Variants in PURG observed in about 807,000 individuals in gnomAD.
PURG encodes purine-rich element-binding protein gamma.
A neutral mutation model predicts 24.3 loss-of-function variants in PURG; 3 were observed. The observed-to-expected ratio is 0.12, with a 90% CI of 0.06 to 0.32. PURG has a LOEUF of 0.32. Among genes scored for constraint, PURG ranks in the 10% least tolerant of loss-of-function variants. The pLI, the probability that PURG is intolerant of heterozygous loss-of-function variation, is 1.00. For synonymous variants in PURG, 180 were observed against 173.1 expected (o/e 1.04, Z -0.31); for missense variants, 371 against 439.1 (o/e 0.84, Z 1.39).
At chr8:31,029,262 T>G (rs1563310725), downstream of PURG, among the ~76,000 whole-genome samples, 1 of 151,812 alleles carries the variant, frequency 6.6e-6, no homozygotes, top group South Asian at 2.1e-4. Context: ...CTTAATAATT[T>G]TAGAGTATAC....
Position 31,031,891 on chromosome 8 carries a change from T to C in PURG, c.892A>G (p.Asn298Asp), listed in dbSNP as rs899064786. 1 of 1,614,056 alleles carries C rather than the reference T, an allele frequency of 6.2e-7. No homozygotes were observed. Among genetic ancestry groups the C allele is most frequent in the Non-Finnish European group, 8.5e-7 (1 of 1,179,986 alleles). Residue 298 changes from asparagine (N) to aspartate (D), a missense_variant, in exon 2 of 2, where the codon AAT becomes GAT. Asn to Asp is a conservative substitution (Grantham distance 23, BLOSUM62 1). This residue lies in a region of PURG where 103 missense variants were observed against 127.7 expected (regional missense o/e 0.81). Coordinates refer to ENST00000523392, the MANE Select transcript of PURG (RefSeq NM_001323311.2). ...KVSEVRPPYR[N>D]TITVPFKAWT... ...GCTTTGAATGGAACAGTAATAGTAT[T>C]ACGGTAAGGTGGTCTCACCTCACTT...
intron 1 of PURG, among the ~76,000 whole-genome samples, chr8:31,005,103 A>T (rs1315273441): frequency 6.6e-6 from 1 of 152,170 alleles, no homozygotes; most frequent in Non-Finnish European, 1.5e-5. Flanking sequence ...GACAATCTCA[A>T]AATTATTATG....
At chr8:31,012,359 T>A (rs1181441839) in intron 1 of PURG, among the ~76,000 whole-genome samples, 1 of 152,180 alleles carries the variant, frequency 6.6e-6, no homozygotes, top group Non-Finnish European at 1.5e-5. Context: ...TATATCATGA[T>A]CAACTAGTTT....
At chr8:31,002,138 A>G (rs914506355) in intron 1 of PURG, among the ~76,000 whole-genome samples, 1 of 152,224 alleles carries the variant, frequency 6.6e-6, no homozygotes, top group Non-Finnish European at 1.5e-5. Flanking sequence ...ATACATATAT[A>G]CAAAGGGGAT....
Position 31,031,981 on chromosome 8 carries a change from T to C in PURG, c.802A>G (p.Arg268Gly). 3.1e-6 allele frequency: 5 copies of C among 1,614,184 alleles called. No homozygotes were observed. The highest frequency in any genetic ancestry group is 4.2e-6 in the Non-Finnish European group (5 of 1,180,036). Reference sequence around the variant, plus strand: ...AAGTAGAACCTTTTATTGTCCACTCTGAAAGAAGTCCCCTCTGGGAGTTCA... The same window carrying C: ...AAGTAGAACCTTTTATTGTCCACTCCGAAAGAAGTCCCCTCTGGGAGTTCA... ...PLELPEGTSF[R>G]VDNKRFYFDV... The change falls in exon 2 of 2, where the codon AGA becomes GGA. Residue 268 changes from arginine (R) to glycine (G), a missense_variant. Around this residue, in one of 5 missense-constraint regions of PURG, gnomAD observed 103 missense variants for 127.7 expected, o/e 0.81. Coordinates refer to ENST00000523392, the MANE Select transcript of PURG (RefSeq NM_001323311.2).
At chr8:30,999,978 TA>T (rs11300929) in intron 1 of PURG, among the ~76,000 whole-genome samples, 103,453 of 151,552 alleles carry the variant, frequency 0.68, 36,119 homozygotes, top group East Asian at 0.96. Flanking sequence ...TCCTTTAAAA[TA>T]AAAAAAAACC....
intron 1 of PURG, among the ~76,000 whole-genome samples, chr8:31,011,784 C>T (rs1316710124): frequency 6.6e-6 from 1 of 152,168 alleles, no homozygotes; most frequent in Non-Finnish European, 1.5e-5. Context: ...TATCCCTAGA[C>T]CCTAGCACAG....
chr8:31,016,560 G>A (rs1341750610), intron 1 of PURG, among the ~76,000 whole-genome samples: 1 of 31,700 alleles, frequency 3.2e-5, no homozygotes, highest in Non-Finnish European at 5.9e-5. Flanking sequence ...ATGGAAGAAA[G>A]AATGCAAGTC....
chr8:31,016,161 G>C (rs1281531737), intron 1 of PURG, among the ~76,000 whole-genome samples: 1 of 151,848 alleles, frequency 6.6e-6, no homozygotes, highest in Non-Finnish European at 1.5e-5. Context: ...GGGCAGGTCA[G>C]CTGAGGCTAG....
At chr8:31,005,622 G>A (rs1810629076) in intron 1 of PURG, among the ~76,000 whole-genome samples, 1 of 152,042 alleles carries the variant, frequency 6.6e-6, no homozygotes, top group African/African-American at 2.4e-5. Flanking sequence ...ACAGAAATGT[G>A]TCTTCATATT....
rs201025652 is a variant in PURG at position 31,032,313 on chromosome 8, G to C, written c.470C>G (p.Pro157Arg). The C allele has an allele frequency of 1.3e-5, 21 of 1,612,782 alleles. No homozygotes were observed. Among genetic ancestry groups the C allele is most frequent in the Non-Finnish European group, 1.5e-5 (18 of 1,179,996 alleles). Residue 157 changes from proline (P) to arginine (R), a missense_variant, in exon 2 of 2, where the codon CCA (proline) becomes CGA (arginine). This residue lies in a region of PURG where 213 missense variants were observed against 230.6 expected (regional missense o/e 0.92). Coordinates refer to ENST00000523392, the MANE Select transcript of PURG (RefSeq NM_001323311.2). This position sits in a 1 kb window ranked among gnomAD's most constrained non-coding sequence, Gnocchi z 5.9. Reference protein sequence around the residue: ...RRRQKHSAPSPPVSVGSEEHP... With the variant: ...RRRQKHSAPSRPVSVGSEEHP... ...CTCTTCGGACCCCACCGAGACTGGT[G>C]GGGAGGGTGCCGAGTGCTTCTGCCT...
At chr8:31,015,799 C>G (rs1810851038) in intron 1 of PURG, among the ~76,000 whole-genome samples, 1 of 152,016 alleles carries the variant, frequency 6.6e-6, no homozygotes, top group Non-Finnish European at 1.5e-5. Context: ...GCCTGTAATC[C>G]CAGCACTTTG....
chr8:31,017,766 A>C (rs758189676), intron 1 of PURG, among the ~76,000 whole-genome samples: 3 of 152,212 alleles, frequency 2.0e-5, no homozygotes, highest in Non-Finnish European at 2.9e-5. Context: ...TAAAACAAAA[A>C]ATTTAAGATG....
In PURG at chr8:31,031,934, A is replaced by G. The variant is rs139715107; in HGVS notation, c.849T>C (p.Tyr283=). Residue 283 remains tyrosine (Y), a synonymous_variant, in exon 2 of 2, where the codon TAT becomes TAC. Transcript: ENST00000523392. ...RFYFDVGSNK[Y]GIFLKVSEVR... is the part of the protein sequence containing the mutation. ...CCTCACTTACCTTCAGGAAAATTCC[A>G]TATTTATTAGAGCCCACATCAAAGT... is the stretch of plus-strand genomic sequence containing the variant. The G allele has an allele frequency of 6.2e-5, 100 of 1,614,202 alleles. No homozygotes were observed. The African/African-American group carries it at 1.1e-3, about 18-fold the overall frequency.
chr8:30,996,773 C>A, intron 1 of PURG: 2 of 1,100,570 alleles, frequency 1.8e-6, no homozygotes, highest in Non-Finnish European at 2.7e-6. Context: ...ACAGTACAAA[C>A]CCATAATTAA....
At chr8:30,996,776 A>G (rs1378702435) in intron 1 of PURG, 1 of 1,068,400 alleles carries the variant, frequency 9.4e-7, no homozygotes. Context: ...GTACAAACCC[A>G]TAATTAATCT....
At chr8:31,029,904 T>G (rs1284311381), downstream of PURG, among the ~76,000 whole-genome samples, 1 of 151,930 alleles carries the variant, frequency 6.6e-6, no homozygotes, top group Non-Finnish European at 1.5e-5. Context: ...TTAGCTCTAG[T>G]ACTAACATTA....
chr8:31,018,798 A>G (rs1042642855), intron 1 of PURG, among the ~76,000 whole-genome samples: 3 of 152,134 alleles, frequency 2.0e-5, no homozygotes, highest in Non-Finnish European at 4.4e-5. Flanking sequence ...ACTTCAATAC[A>G]ATGTAATCCA....
chr8:31,018,168 T>C (rs1810911415), intron 1 of PURG, among the ~76,000 whole-genome samples: 1 of 152,214 alleles, frequency 6.6e-6, no homozygotes, highest in Non-Finnish European at 1.5e-5. Flanking sequence ...TACGTTGTTT[T>C]GCAATAACAA....
Sources: gnomAD v4.1 joint callset for allele counts (sites outside exome capture counted in the v4.1 genomes callset) on GRCh38, gnomAD v4.1.1 for gene constraint, gnomAD v4.1.1 regional missense constraint, Gnocchi (gnomAD v3.1) non-coding constraint, MANE v1.5 for transcripts, NCBI Gene and HGNC (gene_info 2026-07-23, HGNC 2026-07-21) for gene names.